LIMS1: variants seen among roughly 807,000 people sequenced by gnomAD.
The protein encoded by LIMS1 is LIM zinc finger domain containing 1.
A neutral mutation model predicts 44.1 loss-of-function variants in LIMS1; 18 were observed. The ratio of observed to expected loss-of-function variants is 0.41; its 90% CI spans 0.28 to 0.61. The LOEUF (loss-of-function observed/expected upper bound fraction) is 0.61, where lower values mean the gene tolerates loss of function less well. LIMS1 is among the 20% of genes least tolerant of loss of function. The probability of loss-of-function intolerance (pLI) is 0.32; values close to 1 mark genes in which losing one functional copy is unlikely to be tolerated. For missense variants in LIMS1, 201 were observed against 422.0 expected, an observed-to-expected ratio of 0.48 and a Z score of 4.59; for synonymous variants, 93 against 149.1, an observed-to-expected ratio of 0.62 and a Z score of 2.74.
rs185410308 is a variant in LIMS1, at chr2:108,661,824, G to C, written c.192+2060G>C. Among the ~76,000 whole-genome samples the C allele has an allele frequency of 1.2e-3, 179 of 152,280 alleles. 6 individuals carry two copies. The East Asian group carries it at 0.031, about 26-fold the overall frequency. On this transcript the variant is annotated intron_variant, in intron 2 of 9. Transcript: ENST00000544547. ...GGCACATTGAAGGGAATTCTGGAAA[G>C]CTGGCTTGGAGAGAGCATGGTCTTC...
At chr2:108,589,383 A>C (rs1006488200) in intron 1 of LIMS1, among the ~76,000 whole-genome samples, 3 of 152,194 alleles carry the variant, frequency 2.0e-5, no homozygotes, top group Non-Finnish European at 2.9e-5. Flanking sequence ...GATATACAAT[A>C]CAGTATTATT....
intron 1 of LIMS1, chr2:108,607,285 T>A: frequency 6.5e-7 from 1 of 1,547,966 alleles, no homozygotes. Context: ...ATTGAGCTGT[T>A]CCCCCTCCAA....
At chr2:108,609,040 A>T (rs1395405549) in intron 1 of LIMS1, among the ~76,000 whole-genome samples, 1 of 152,160 alleles carries the variant, frequency 6.6e-6, no homozygotes, top group African/African-American at 2.4e-5. Flanking sequence ...GAGACAGCTG[A>T]GGTGGCGTCT....
At chr2:108,678,549 T>C (rs1005524840) in intron 8 of LIMS1, 1 of 156,862 alleles carries the variant, frequency 6.4e-6, no homozygotes, top group Admixed American at 6.5e-5. Context: ...CCTGGCAAAG[T>C]TTTGAACAAT....
At chr2:108,651,326 G>A (rs1267076101) in intron 1 of LIMS1, among the ~76,000 whole-genome samples, 1 of 152,228 alleles carries the variant, frequency 6.6e-6, no homozygotes, top group African/African-American at 2.4e-5. Flanking sequence ...GATCTATAGA[G>A]TGTGATAGAA....
At chr2:108,604,671 G>A (rs547796837) in intron 1 of LIMS1, among the ~76,000 whole-genome samples, 15 of 152,140 alleles carry the variant, frequency 9.9e-5, no homozygotes, top group Non-Finnish European at 1.9e-4. Context: ...GTTAGCTTCC[G>A]TTCTTTCTGT....
Position 108,585,223 on chromosome 2 carries a change from T to A in LIMS1, c.32+50629T>A, listed in dbSNP as rs115616196. Among the ~76,000 whole-genome samples the A allele has an allele frequency of 3.3e-3, 491 of 150,874 alleles. 2 individuals are homozygous for A. Among genetic ancestry groups the A allele is most frequent in the African/African-American group, 0.011 (448 of 40,978 alleles). On this transcript the variant is annotated intron_variant, in intron 1 of 9. Transcript: ENST00000544547. ...GTGTGTTACCTTAAGGGATGCTGAC[T>A]GTCCTCAGTGCAGTAGAGAATTTAA...
chr2:108,534,340 C>A (rs541763467), upstream of LIMS1: 138 of 238,306 alleles, frequency 5.8e-4, no homozygotes, highest in South Asian at 3.0e-3. Flanking sequence ...CGCCAGTCCC[C>A]GCCCCTCCTT....
At chr2:108,633,353 A>AT (rs1418949913) in intron 1 of LIMS1, among the ~76,000 whole-genome samples, 2 of 152,242 alleles carry the variant, frequency 1.3e-5, no homozygotes, top group Non-Finnish European at 2.9e-5. Flanking sequence ...CTGCTTTTAA[A>AT]TAGGCTTAAA....
At chr2:108,584,593 A>G (rs1401885570) in intron 1 of LIMS1, among the ~76,000 whole-genome samples, 2 of 152,018 alleles carry the variant, frequency 1.3e-5, no homozygotes, top group East Asian at 3.9e-4. Context: ...TCATAAAATG[A>G]TCCTCGCGGA....
intron 1 of LIMS1, among the ~76,000 whole-genome samples, chr2:108,651,076 G>A (rs1690449721): frequency 6.6e-6 from 1 of 152,146 alleles, no homozygotes; most frequent in African/African-American, 2.4e-5. Context: ...GCTGCTAAAG[G>A]AAGGGCAGCC....
intron 1 of LIMS1, among the ~76,000 whole-genome samples, chr2:108,565,850 C>T (rs1025995937): frequency 2.0e-5 from 3 of 152,174 alleles, no homozygotes; most frequent in Non-Finnish European, 4.4e-5. Context: ...CTTCACATGA[C>T]AGGAGGTGAC....
At chr2:108,549,486 G>A (rs1477760697) in intron 1 of LIMS1, among the ~76,000 whole-genome samples, 1 of 151,388 alleles carries the variant, frequency 6.6e-6, no homozygotes, top group Admixed American at 6.6e-5. Context: ...GTAGAGACAG[G>A]GTTTCCCCAT....
chr2:108,544,170 C>T (rs1346639755), intron 1 of LIMS1, among the ~76,000 whole-genome samples: 1 of 152,148 alleles, frequency 6.6e-6, no homozygotes, highest in Non-Finnish European at 1.5e-5. Context: ...GACATTAGGA[C>T]CAGTCAAATA....
intron 1 of LIMS1, among the ~76,000 whole-genome samples, chr2:108,613,064 G>C (rs1325586298): frequency 6.6e-6 from 1 of 152,108 alleles, no homozygotes; most frequent in Non-Finnish European, 1.5e-5. Context: ...TGGTCAAGTC[G>C]TTTAACTGCT....
intron 1 of LIMS1, among the ~76,000 whole-genome samples, chr2:108,534,874 C>T (rs1684072822): frequency 1.3e-5 from 2 of 152,184 alleles, no homozygotes; most frequent in Non-Finnish European, 2.9e-5. Flanking sequence ...TCAGTATTTG[C>T]CGAGCTAATC....
At chr2:108,549,411 C>T (rs754816787) in intron 1 of LIMS1, among the ~76,000 whole-genome samples, 11 of 149,868 alleles carry the variant, frequency 7.3e-5, no homozygotes, top group African/African-American at 1.2e-4. Flanking sequence ...TCTCCTGCCT[C>T]GCCCTCCCTA....
chr2:108,563,766 G>A (rs948409360), intron 1 of LIMS1, among the ~76,000 whole-genome samples: 1 of 152,094 alleles, frequency 6.6e-6, no homozygotes, highest in South Asian at 2.1e-4. Context: ...CTTCAATTTC[G>A]AATGTTCTAG....
chr2:108,610,148 ATGTGTGTGTGTGTGTGTGTGTGTGTGTG>A (rs60571292), intron 1 of LIMS1, among the ~76,000 whole-genome samples: 2 of 143,274 alleles, frequency 1.4e-5, no homozygotes, highest in Non-Finnish European at 3.0e-5. Context: ...GTTACAAAAA[ATGTGTGTGTGTGTGTGTGTGTGTGTGTG>A]TGTGTGTGTG....
Sources: gnomAD v4.1 joint callset for allele counts (sites outside exome capture counted in the v4.1 genomes callset) on GRCh38, gnomAD v4.1.1 for gene constraint, MANE v1.5 for transcripts, NCBI Gene and HGNC (gene_info 2026-07-23, HGNC 2026-07-21) for gene names.